The following MACF1 variants were observed in gnomAD, a reference collection of about 807,000 sequenced individuals.
MACF1 encodes microtubule-actin cross-linking factor 1.
A neutral mutation model predicts 854.8 loss-of-function variants in MACF1; 193 were observed. That is an observed-to-expected ratio of 0.23 (90% CI 0.20 to 0.25). MACF1 has a LOEUF of 0.25. Ranked by LOEUF, MACF1 falls within the 10% of genes least tolerant of loss-of-function variation. The pLI is 1.00. For missense variants in MACF1, 7,722 were observed against 8,929.1 expected (o/e 0.86, Z 5.45); for synonymous variants, 3,185 against 3,226.7 (o/e 0.99, Z 0.44).
chr1:39,112,841 GTCA>G (rs1424347791), intron 2 of MACF1, among the ~76,000 whole-genome samples: 36 of 152,172 alleles, frequency 2.4e-4, no homozygotes, highest in Admixed American at 2.0e-3. Context: ...TTCTTTAACA[GTCA>G]TCCCTAGAGC....
At chr1:39,127,067 A>C (rs1642879373) in intron 2 of MACF1, among the ~76,000 whole-genome samples, 1 of 151,858 alleles carries the variant, frequency 6.6e-6, no homozygotes, top group East Asian at 1.9e-4. Context: ...TACTAAAAAT[A>C]ACAGAGTAGC....
chr1:39,331,251 T>C lies in MACF1; in HGVS notation c.4663T>C (p.Phe1555Leu), dbSNP rs1026635782. 27 of 1,610,966 alleles carry C rather than the reference T, an allele frequency of 1.7e-5. No homozygotes were observed. The highest frequency in any genetic ancestry group is 2.2e-5 in the Non-Finnish European group (26 of 1,179,500). ...GVIDLGTVEI[F>L]PIFKAMQKGL... ...GATTGACCTAGGCACAGTGGAGATA[T>C]TTCCCATCTTCAAAGCCATGCAAAA... is the stretch of plus-strand genomic sequence containing the variant. Residue 1555 changes from phenylalanine (F) to leucine (L), a missense_variant, in exon 37 of 101, where the codon TTT (phenylalanine) becomes CTT (leucine). Physicochemically the swap from Phe to Leu is conservative, Grantham distance 22. Transcript: ENST00000564288.
chr1:39,094,926 G>T (rs1414390908), intron 2 of MACF1, among the ~76,000 whole-genome samples: 1 of 151,926 alleles, frequency 6.6e-6, no homozygotes, highest in Non-Finnish European at 1.5e-5. Context: ...AACACACAGA[G>T]GATACAGGTG....
intron 6 of MACF1, among the ~76,000 whole-genome samples, chr1:39,270,171 C>T (rs1369857510): frequency 6.6e-6 from 1 of 152,186 alleles, no homozygotes; most frequent in Non-Finnish European, 1.5e-5. Flanking sequence ...CTCTTCCTCA[C>T]AGGAGAGTGA....
At chr1:39,134,810 A>T (rs975307580) in intron 2 of MACF1, among the ~76,000 whole-genome samples, 2 of 152,210 alleles carry the variant, frequency 1.3e-5, no homozygotes, top group African/African-American at 4.8e-5. Flanking sequence ...TTAGCATTTT[A>T]GCCATCTGTA....
intron 84 of MACF1, among the ~76,000 whole-genome samples, chr1:39,449,284 G>C (rs936093112): frequency 9.2e-5 from 14 of 152,202 alleles, no homozygotes; most frequent in African/African-American, 3.1e-4. Flanking sequence ...CAGCTACCCT[G>C]TTGGCAGAGC....
rs557645299 is a variant in MACF1, at chr1:39,331,589, G to A, written c.5001G>A (p.Glu1667=). ...GAGGTTTCAGTCTTTCCCCTAGTGAGAACTGTATTAACCTGGAAGAGGCTT... is the reference window on the plus strand; with the variant it reads ...GAGGTTTCAGTCTTTCCCCTAGTGAAAACTGTATTAACCTGGAAGAGGCTT... ...ATGGFSLSPS[E]NCINLEEAFH... The change falls in exon 37 of 101, where the codon GAG becomes GAA. Residue 1667 remains glutamate (E), a synonymous_variant. Coordinates refer to ENST00000564288, the MANE Select transcript of MACF1 (RefSeq NM_001394062.1). The A allele has an allele frequency of 6.2e-6, 10 of 1,614,188 alleles. No individual in the cohort carries two copies. The African/African-American group carries it at 1.3e-4, about 22-fold the overall frequency.
chr1:39,429,535 A>T (rs959914438), intron 64 of MACF1, among the ~76,000 whole-genome samples: 2 of 152,112 alleles, frequency 1.3e-5, no homozygotes, highest in African/African-American at 4.8e-5. Flanking sequence ...ATAGATGATG[A>T]TTTCTCCTCT....
intron 6 of MACF1, among the ~76,000 whole-genome samples, chr1:39,259,858 T>G (rs1290725720): frequency 6.6e-6 from 1 of 152,044 alleles, no homozygotes; most frequent in Non-Finnish European, 1.5e-5. Flanking sequence ...CCTCAGGTGA[T>G]CCACCTGCCT....
chr1:39,174,800 C>T lies in MACF1; in HGVS notation c.221-56382C>T, dbSNP rs562015750. Reference sequence around the variant, plus strand: ...TCCAAATTTACAGTAGTAAGAGAAGCAAGAAATATCTTAGTAGGAAAAGGG... The same window carrying T: ...TCCAAATTTACAGTAGTAAGAGAAGTAAGAAATATCTTAGTAGGAAAAGGG... On this transcript the variant is annotated intron_variant, in intron 2 of 93. Coordinates refer to the MACF1 transcript ENST00000361689. Among the ~76,000 whole-genome samples, 13 of 152,262 alleles carry T rather than the reference C, an allele frequency of 8.5e-5. No individual in the cohort carries two copies. In the South Asian group the frequency reaches 2.7e-3, roughly 32 times the overall value.
At position 39,410,230 on chromosome 1, in the gene MACF1, T is replaced by G. The variant is rs367948651; in HGVS notation, c.15817-12144T>G. On this transcript the variant is annotated intron_variant, in intron 58 of 100. Transcript: ENST00000564288. ...TTGGGGGGAACCTGTGAAAAATACTTTTGAAAGATTGATGGTTCATCTTGA... is the reference window on the plus strand; with the variant it reads ...TTGGGGGGAACCTGTGAAAAATACTGTTGAAAGATTGATGGTTCATCTTGA... 6 of 1,482,490 alleles carry G rather than the reference T, an allele frequency of 4.0e-6. 1 individual carries two copies. The highest frequency in any genetic ancestry group is 3.6e-4 in the Middle Eastern group (2 of 5,584). 91.8% of individuals were successfully genotyped at this position (1,482,490 alleles called of 1,614,324 possible).
chr1:39,196,846 G>C (rs1416491456), intron 2 of MACF1, among the ~76,000 whole-genome samples: 1 of 152,200 alleles, frequency 6.6e-6, no homozygotes, highest in Non-Finnish European at 1.5e-5. Flanking sequence ...GTGTTGCCTT[G>C]TGTTGAGATT....
At chr1:39,125,617 G>C (rs149608034) in intron 2 of MACF1, among the ~76,000 whole-genome samples, 19 of 152,280 alleles carry the variant, frequency 1.2e-4, no homozygotes, top group African/African-American at 4.6e-4. Context: ...TCACCTTTGG[G>C]AAATGAGAAT....
Position 39,388,516 on chromosome 1 carries a change from T to G in MACF1, c.15674T>G (p.Leu5225Arg), listed in dbSNP as rs1216974473. 6.2e-7 allele frequency: 1 copy of G among 1,614,038 alleles called. No individual in the cohort carries two copies. Among genetic ancestry groups the G allele is most frequent in the Non-Finnish European group, 8.5e-7 (1 of 1,180,030 alleles). ...RGKARQEQLELTLGRVEDFYR... is the reference protein window; with the variant it reads ...RGKARQEQLERTLGRVEDFYR... ...AAAGCTCGTCAGGAACAGCTGGAAC[T>G]GACACTAGGCCGTGTAGAGGACTTC... The change falls in exon 58 of 101, where the codon CTG (leucine) becomes CGG (arginine). Residue 5225 changes from leucine to arginine, a missense_variant. Physicochemically the swap from Leu to Arg is moderately radical, Grantham distance 102. This residue lies in a region of MACF1 where 2,807 missense variants were observed against 3,235.8 expected (regional missense o/e 0.87). Transcript: ENST00000564288.
At chr1:39,164,395 A>C (rs1253101664) in intron 2 of MACF1, among the ~76,000 whole-genome samples, 2 of 152,224 alleles carry the variant, frequency 1.3e-5, no homozygotes, top group African/African-American at 4.8e-5. Flanking sequence ...CTTGTCCTCT[A>C]GGGATGGCCC....
chr1:39,341,014 C>A, intron 40 of MACF1, 61 bp downstream of exon 40: 2 of 1,338,808 alleles, frequency 1.5e-6, no homozygotes, highest in Non-Finnish European at 2.1e-6. Flanking sequence ...CCCTGCTAGG[C>A]AAACCAATAT....
At chr1:39,444,542 GA>G (rs1237852045) in intron 79 of MACF1, 119 bp from the exon 80 acceptor site, 4 of 760,098 alleles carry the variant, frequency 5.3e-6, no homozygotes, top group African/African-American at 3.5e-5. Flanking sequence ...GAATCCAAAA[GA>G]ATGGCTTGTA....
At chr1:39,181,483 C>T (rs1644104475) in intron 2 of MACF1, among the ~76,000 whole-genome samples, 1 of 152,020 alleles carries the variant, frequency 6.6e-6, no homozygotes, top group African/African-American at 2.4e-5. Context: ...CTTTCTTCTC[C>T]TCCTCCTCCT....
chr1:39,113,534 C>T (rs1319811246), intron 2 of MACF1, among the ~76,000 whole-genome samples: 2 of 152,184 alleles, frequency 1.3e-5, no homozygotes, highest in Non-Finnish European at 2.9e-5. Flanking sequence ...TGCTGACTGA[C>T]CAATTATTTA....
Sources: gnomAD v4.1 joint callset for allele counts (sites outside exome capture counted in the v4.1 genomes callset) on GRCh38, gnomAD v4.1.1 for gene constraint, gnomAD v4.1.1 regional missense constraint, MANE v1.5 for transcripts, NCBI Gene and HGNC (gene_info 2026-07-23, HGNC 2026-07-21) for gene names.